Variants in PARD3B observed in about 807,000 individuals in gnomAD.
PARD3B encodes the protein par-3 family cell polarity regulator beta, also known as partitioning defective 3 homolog B.
In PARD3B, 103 loss-of-function variants were observed where a neutral mutation model predicts 130.2. The ratio of observed to expected loss-of-function variants is 0.79; its 90% CI spans 0.67 to 0.93. The LOEUF is 0.93. Among genes scored for constraint, PARD3B ranks in the 40% least tolerant of loss-of-function variants. The pLI is 0.00. For missense variants in PARD3B, 1,609 were observed against 1,499.2 expected (o/e 1.07, Z -1.21); for synonymous variants, 583 against 553.2 (o/e 1.05, Z -0.76).
At chr2:204,936,092 T>G (rs1414689593) in intron 2 of PARD3B, among the ~76,000 whole-genome samples, 6 of 152,240 alleles carry the variant, frequency 3.9e-5, no homozygotes, top group Admixed American at 3.9e-4. Context: ...TGTTTCCCAG[T>G]GTGCTGTAGG....
At chr2:204,732,082 G>GT (rs1324841425) in intron 2 of PARD3B, among the ~76,000 whole-genome samples, 1 of 68,642 alleles carries the variant, frequency 1.5e-5, no homozygotes, top group African/African-American at 4.0e-5. Context: ...AAATAATTGT[G>GT]GTTTTTTTTT....
chr2:205,381,900 T>C lies in PARD3B; in HGVS notation c.2631-19113T>C, dbSNP rs2045463228. ...ACTATGCATTTCCTTCTTTAACCTT[T>C]CCTAATCATTTCTCTCCTTTTCCTT... On this transcript the variant is annotated intron_variant, in intron 18 of 22. Transcript: ENST00000406610. Among the ~76,000 whole-genome samples the C allele has an allele frequency of 3.3e-5, 5 of 152,048 alleles. No individual in the cohort carries two copies. The South Asian group carries it at 1.0e-3, about 31-fold the overall frequency.
intron 2 of PARD3B, among the ~76,000 whole-genome samples, chr2:204,930,722 T>C (rs1687968698): frequency 6.6e-6 from 1 of 152,070 alleles, no homozygotes; most frequent in African/African-American, 2.4e-5. Flanking sequence ...CCATTTACTA[T>C]ATTCATCTTT....
intron 2 of PARD3B, among the ~76,000 whole-genome samples, chr2:204,741,089 A>G (rs1222691977): frequency 6.6e-6 from 1 of 152,216 alleles, no homozygotes; most frequent in Non-Finnish European, 1.5e-5. Flanking sequence ...GCATAGTTTA[A>G]GAAGCTTGTA....
intron 20 of PARD3B, among the ~76,000 whole-genome samples, chr2:205,449,190 G>A (rs1475113922): frequency 4.7e-5 from 7 of 147,922 alleles, no homozygotes; most frequent in African/African-American, 7.4e-5. Flanking sequence ...AAAAAAAAGT[G>A]TGGGAAACTA....
chr2:205,609,603 T>G (rs1484450057), intron 22 of PARD3B, among the ~76,000 whole-genome samples: 1 of 152,204 alleles, frequency 6.6e-6, no homozygotes, highest in Non-Finnish European at 1.5e-5. Flanking sequence ...ACATAGTATT[T>G]TATAGAAATT....
At chr2:204,878,921 T>C (rs1475523375) in intron 2 of PARD3B, among the ~76,000 whole-genome samples, 4 of 151,902 alleles carry the variant, frequency 2.6e-5, no homozygotes, top group African/African-American at 9.7e-5. Flanking sequence ...GTTATGTAGG[T>C]TTACAAGATT....
At chr2:205,179,886 A>C (rs78306244) in intron 13 of PARD3B, among the ~76,000 whole-genome samples, 14 of 10,326 alleles carry the variant, frequency 1.4e-3, no homozygotes, top group African/African-American at 7.6e-3. Context: ...AGTGCATGCT[A>C]AAAAATACAA....
At position 204,988,538 on chromosome 2, in the gene PARD3B, C is replaced by G. The variant is rs374242769; in HGVS notation, c.394+23215C>G. On this transcript the variant is annotated intron_variant, in intron 3 of 22. Coordinates refer to ENST00000406610, the MANE Select transcript of PARD3B (RefSeq NM_001302769.2). Reference sequence around the variant, plus strand: ...ATAAATACTTGAGGGGGTGGATACCCCATTCTCCATGATGTGCTTATTTCA... The same window carrying G: ...ATAAATACTTGAGGGGGTGGATACCGCATTCTCCATGATGTGCTTATTTCA... 1.2e-4 allele frequency among the ~76,000 whole-genome samples: 18 copies of G among 152,194 alleles called. No individual in the cohort carries two copies. The East Asian group carries it at 3.5e-3, about 29-fold the overall frequency.
At chr2:204,875,894 G>A (rs2045823075) in intron 2 of PARD3B, among the ~76,000 whole-genome samples, 1 of 152,202 alleles carries the variant, frequency 6.6e-6, no homozygotes, top group Non-Finnish European at 1.5e-5. Flanking sequence ...TGTACAGGGT[G>A]AATCTTTCGG....
At chr2:205,552,791 C>G (rs763139483) in intron 21 of PARD3B, among the ~76,000 whole-genome samples, 2 of 152,042 alleles carry the variant, frequency 1.3e-5, no homozygotes, top group South Asian at 2.1e-4. Flanking sequence ...ATGTAACATA[C>G]TGGATGGGAT....
chr2:205,127,944 C>T (rs1340201067), intron 10 of PARD3B, among the ~76,000 whole-genome samples: 1 of 152,074 alleles, frequency 6.6e-6, no homozygotes, highest in African/African-American at 2.4e-5. Flanking sequence ...ATCCAAAGAC[C>T]TTGGTCTTTC....
At chr2:205,398,650 A>G (rs2046123780) in intron 18 of PARD3B, among the ~76,000 whole-genome samples, 1 of 152,206 alleles carries the variant, frequency 6.6e-6, no homozygotes, top group Non-Finnish European at 1.5e-5. Context: ...CTTCTAGGAA[A>G]GGCAGGACCA....
intron 1 of PARD3B, among the ~76,000 whole-genome samples, chr2:204,589,935 GCTTTGAGTTCTAGTCTGC>G (rs2033004399): frequency 6.6e-6 from 1 of 152,150 alleles, no homozygotes; most frequent in Non-Finnish European, 1.5e-5. Flanking sequence ...GAGAATTAGA[GCTTTGAGTTCTAGTCTGC>G]CATTGATCGA....
At chr2:204,659,812 T>G (rs2035744159) in intron 1 of PARD3B, among the ~76,000 whole-genome samples, 1 of 152,198 alleles carries the variant, frequency 6.6e-6, no homozygotes, top group Non-Finnish European at 1.5e-5. Flanking sequence ...GAAATAACAT[T>G]AATCTGTCTT....
chr2:205,236,630 C>T (rs180907152), intron 15 of PARD3B, among the ~76,000 whole-genome samples: 7 of 152,168 alleles, frequency 4.6e-5, no homozygotes, highest in Admixed American at 2.0e-4. Context: ...TGAATTGAAC[C>T]CAACAATATA....
rs559002174 is a variant in PARD3B at position 205,542,791 on chromosome 2, G to A, written c.3181-10533G>A. 1.4e-4 allele frequency among the ~76,000 whole-genome samples: 22 copies of A among 152,122 alleles called. No homozygotes were observed. The South Asian group carries it at 4.2e-3, about 29-fold the overall frequency. On this transcript the variant is annotated intron_variant, in intron 21 of 22. Coordinates refer to ENST00000406610, the MANE Select transcript of PARD3B (RefSeq NM_001302769.2). ...CATAATTTAGATTCCAAATGGTTTC[G>A]ATTTATACTCCAGATCTGAGTTCAA...
rs111834960 is a variant in PARD3B at position 204,600,945 on chromosome 2, G to A, written c.120+54826G>A. Among the ~76,000 whole-genome samples the A allele has an allele frequency of 9.1e-3, 1,372 of 151,346 alleles. 19 individuals carry two copies. Among genetic ancestry groups the A allele is most frequent in the African/African-American group, 0.032 (1,332 of 41,358 alleles). On this transcript the variant is annotated intron_variant, in intron 1 of 22. Transcript: ENST00000406610. ...TTAAAATAGGATTTTTTTTTTCTGA[G>A]TAAATCTATTATGGATGAACTTGGG...
At chr2:205,396,482 A>G (rs999627193) in intron 18 of PARD3B, among the ~76,000 whole-genome samples, 2 of 152,228 alleles carry the variant, frequency 1.3e-5, no homozygotes, top group African/African-American at 4.8e-5. Flanking sequence ...CCTCTATAGA[A>G]ATGAACAGAG....
Sources: allele counts gnomAD v4.1 joint callset (sites outside exome capture counted in the v4.1 genomes callset), GRCh38; gene constraint gnomAD v4.1.1; transcripts MANE v1.5; gene names NCBI Gene and HGNC (gene_info 2026-07-23, HGNC 2026-07-21).